Variants in PRKAG2 observed in about 807,000 individuals in gnomAD.
The protein encoded by PRKAG2 is 5'-AMP-activated protein kinase subunit gamma-2.
A neutral mutation model predicts 69.6 loss-of-function variants in PRKAG2; 26 were observed. The ratio of observed to expected loss-of-function variants is 0.37; its 90% CI spans 0.27 to 0.52. The LOEUF (loss-of-function observed/expected upper bound fraction) is 0.52. PRKAG2 is among the 20% of genes least tolerant of loss of function. PRKAG2 has a pLI of 0.90. For missense variants in PRKAG2, 557 were observed against 740.0 expected (o/e 0.75, Z 2.87); for synonymous variants, 293 against 285.0 (o/e 1.03, Z -0.28).
chr7:151,609,934 C>A (rs1332254637), intron 5 of PRKAG2, among the ~76,000 whole-genome samples: 1 of 152,230 alleles, frequency 6.6e-6, no homozygotes, highest in Non-Finnish European at 1.5e-5. Context: ...ACACACCTCT[C>A]CTGCCATGAG....
intron 3 of PRKAG2, among the ~76,000 whole-genome samples, chr7:151,728,083 G>A (rs556524094): frequency 1.3e-5 from 2 of 152,114 alleles, no homozygotes; most frequent in African/African-American, 4.8e-5. Context: ...GTTTGACCAC[G>A]GGCCTGACCG....
chr7:151,624,428 G>A (rs1822358876), intron 5 of PRKAG2, among the ~76,000 whole-genome samples: 2 of 152,016 alleles, frequency 1.3e-5, no homozygotes, highest in African/African-American at 4.8e-5. Flanking sequence ...TGGGATTACG[G>A]GGTGAGCCAC....
At position 151,557,106 on chromosome 7, in the gene PRKAG2, C is replaced by A; in HGVS notation, c.*95G>T. 3.8e-6 allele frequency: 6 copies of A among 1,573,080 alleles called. No homozygotes were observed. Among genetic ancestry groups the A allele is most frequent in the Non-Finnish European group, 4.4e-6 (5 of 1,143,086 alleles). The stretch of plus-strand genomic sequence containing the variant: ...ATACCTATTGTTAAACCCTGATATA[C>A]ATTCTTAACCACTTGCAGCCAGTGT... On this transcript the variant is annotated 3_prime_UTR_variant, in exon 16 of 16. Coordinates refer to ENST00000287878, the MANE Select transcript of PRKAG2 (RefSeq NM_016203.4).
intron 7 of PRKAG2, among the ~76,000 whole-genome samples, chr7:151,575,315 TG>T (rs1317142537): frequency 5.9e-5 from 9 of 152,228 alleles, no homozygotes; most frequent in Non-Finnish European, 1.3e-4. Flanking sequence ...GTGACAATTC[TG>T]GGCACTTGGA....
Position 151,867,355 on chromosome 7 carries a change from T to C in PRKAG2, c.114+9152A>G, listed in dbSNP as rs150011055. 3.3e-5 allele frequency among the ~76,000 whole-genome samples: 5 copies of C among 152,330 alleles called. No homozygotes were observed. The East Asian group carries it at 9.6e-4, about 29-fold the overall frequency. ...GGCCAGAGGTCTGAAATCAAGGTGC[T>C]GTGAGAGCCACACGCCCTCCGAAAC... On this transcript the variant is annotated intron_variant, in intron 1 of 15. Coordinates refer to ENST00000287878, the MANE Select transcript of PRKAG2 (RefSeq NM_016203.4).
chr7:151,694,625 TCTC>T (rs559950754), intron 3 of PRKAG2, among the ~76,000 whole-genome samples: 3 of 152,298 alleles, frequency 2.0e-5, no homozygotes, highest in African/African-American at 7.2e-5. Context: ...CCTGTCAGAA[TCTC>T]CTTCCTTTTG....
intron 3 of PRKAG2, among the ~76,000 whole-genome samples, chr7:151,697,302 G>T (rs563659514): frequency 2.2e-4 from 33 of 152,280 alleles, no homozygotes; most frequent in Middle Eastern, 3.4e-3. Flanking sequence ...AGAAGTGGTG[G>T]ACCTGTGTCC....
intron 3 of PRKAG2, among the ~76,000 whole-genome samples, chr7:151,749,184 C>T (rs142398908): frequency 2.0e-5 from 3 of 152,324 alleles, no homozygotes; most frequent in African/African-American, 7.2e-5. Flanking sequence ...AAGGAGGCTA[C>T]GGAGAATTTG....
At chr7:151,721,382 AGGGCCAGGGCCG>A (rs146449817) in intron 3 of PRKAG2, among the ~76,000 whole-genome samples, 9,613 of 151,144 alleles carry the variant, frequency 0.064, 347 homozygotes, top group African/African-American at 0.093. Flanking sequence ...AGACAGGGCC[AGGGCCAGGGCCG>A]GGGCCAGGGC....
intron 1 of PRKAG2, chr7:151,790,379 T>A (rs1278058348): frequency 6.6e-6 from 1 of 152,158 alleles, no homozygotes; most frequent in Non-Finnish European, 1.5e-5. Flanking sequence ...CTAGACTGTG[T>A]CCCACAGTAC....
chr7:151,557,989 C>A, intron 15 of PRKAG2: 2 of 984,692 alleles, frequency 2.0e-6, no homozygotes, highest in Non-Finnish European at 2.4e-6. Context: ...GCAGGGAGAG[C>A]TACTATTTTT....
intron 1 of PRKAG2, among the ~76,000 whole-genome samples, chr7:151,839,266 C>CAG (rs1390044554): frequency 6.6e-6 from 1 of 152,156 alleles, no homozygotes; most frequent in Non-Finnish European, 1.5e-5. Context: ...GACTGGCCTG[C>CAG]AGAAGGAAGG....
In PRKAG2 at chr7:151,722,829, C is replaced by T. The variant is rs190656739; in HGVS notation, c.467-47192G>A. ...AAAACTGATTAGATAGGCACAGGCC[C>T]GGCAGGTCCCCATTAAAGGACATTC... On this transcript the variant is annotated intron_variant, in intron 3 of 15. Transcript: ENST00000287878. Among the ~76,000 whole-genome samples, 251 of 152,212 alleles carry T rather than the reference C, an allele frequency of 1.6e-3. 2 individuals carry two copies. The highest frequency in any genetic ancestry group is 5.4e-3 in the African/African-American group (224 of 41,520).
chr7:151,655,812 C>A (rs1383869766), intron 4 of PRKAG2, among the ~76,000 whole-genome samples: 1 of 152,148 alleles, frequency 6.6e-6, no homozygotes, highest in Non-Finnish European at 1.5e-5. Context: ...GAGTTAATTA[C>A]ACAGACAGCA....
chr7:151,864,881 G>A (rs559342746), intron 1 of PRKAG2, among the ~76,000 whole-genome samples: 1 of 152,128 alleles, frequency 6.6e-6, no homozygotes, highest in Non-Finnish European at 1.5e-5. Context: ...TGAGCCAAAC[G>A]GAGACTTAGG....
At chr7:151,617,285 A>T (rs865857376) in intron 5 of PRKAG2, among the ~76,000 whole-genome samples, 450 of 18,694 alleles carry the variant, frequency 0.024, 5 homozygotes, top group African/African-American at 0.093. Context: ...GGAGGGAAAG[A>T]GGGAGGGGGG....
chr7:151,674,468 G>T (rs901503501), intron 4 of PRKAG2, among the ~76,000 whole-genome samples: 11 of 152,322 alleles, frequency 7.2e-5, no homozygotes, highest in African/African-American at 2.6e-4. Flanking sequence ...CAGGGATGTG[G>T]CTCTCACAGT....
chr7:151,865,588 A>T (rs1382250832), intron 1 of PRKAG2, among the ~76,000 whole-genome samples: 3 of 152,262 alleles, frequency 2.0e-5, no homozygotes, highest in Non-Finnish European at 4.4e-5. Flanking sequence ...TGACTCAGTG[A>T]GAAGAAGCCC....
chr7:151,875,227 G>A (rs551550956), intron 1 of PRKAG2, among the ~76,000 whole-genome samples: 4 of 152,352 alleles, frequency 2.6e-5, no homozygotes, highest in Non-Finnish European at 4.4e-5. Flanking sequence ...CAGCCAGGGA[G>A]GGCTGGCCCA....
Sources: gnomAD v4.1 joint callset for allele counts (sites outside exome capture counted in the v4.1 genomes callset) on GRCh38, gnomAD v4.1.1 for gene constraint, MANE v1.5 for transcripts, NCBI Gene and HGNC (gene_info 2026-07-23, HGNC 2026-07-21) for gene names.